The following CACNA1G variants were observed in gnomAD, a reference collection of about 807,000 sequenced individuals.
CACNA1G encodes voltage-dependent T-type calcium channel subunit alpha-1G.
A neutral mutation model predicts 219.4 loss-of-function variants in CACNA1G; 67 were observed. That is an observed-to-expected ratio of 0.31 (90% CI 0.25 to 0.37). The LOEUF (loss-of-function observed/expected upper bound fraction) is 0.37, where lower values mean the gene tolerates loss of function less well. CACNA1G is among the 10% of genes least tolerant of loss of function. CACNA1G has a pLI of 1.00. For missense variants in CACNA1G, 2,380 were observed against 3,231.4 expected (o/e 0.74, Z 6.39); for synonymous variants, 1,296 against 1,345.3 (o/e 0.96, Z 0.80).
chr17:50,561,477 T>A lies in CACNA1G; in HGVS notation c.18T>A (p.Asp6Glu). Residue 6 changes from aspartate to glutamate, a missense_variant, in exon 1 of 38, where the codon GAT becomes GAA. This residue lies in a region of CACNA1G where 98 missense variants were observed against 85.5 expected (regional missense o/e 1.15). Coordinates refer to ENST00000359106, the MANE Select transcript of CACNA1G (RefSeq NM_018896.5). Reference protein sequence around the residue: MDEEEDGAGAEESGQP... With the variant: MDEEEEGAGAEESGQP... ...GCCAGAGGATGGACGAGGAGGAGGA[T>A]GGAGCGGGCGCCGAGGAGTCGGGAC... The A allele has an allele frequency of 1.3e-6, 2 of 1,534,456 alleles. No homozygotes were observed. Among genetic ancestry groups the A allele is most frequent in the East Asian group, 2.5e-5 (1 of 40,810 alleles).
intron 36 of CACNA1G, 31 bp from the exon 37 acceptor site, chr17:50,624,329 C>A: frequency 1.7e-6 from 2 of 1,180,278 alleles, no homozygotes; most frequent in Non-Finnish European, 2.5e-6. Context: ...TTCTCTCCCC[C>A]CACCCCTCCC....
intron 4 of CACNA1G, among the ~76,000 whole-genome samples, chr17:50,570,495 A>G (rs2039146177): frequency 6.6e-6 from 1 of 150,416 alleles, no homozygotes; most frequent in South Asian, 2.1e-4. Flanking sequence ...TTGGCGAGGA[A>G]TGCATGTTTC....
At position 50,621,622 on chromosome 17, in the gene CACNA1G, C is replaced by T; in HGVS notation, c.5926-38C>T. ...CGTGTGCACGCGCGTGTGCGCTGTC[C>T]TGGTTTCTCATGCCTGATCATCTCT... is the stretch of plus-strand genomic sequence containing the variant. On this transcript the variant is annotated intron_variant, in intron 34 of 37. Transcript: ENST00000359106. The surrounding 1 kb of genome is among the most constrained non-coding windows in gnomAD (Gnocchi z 4.6). 6.2e-7 allele frequency: 1 copy of T among 1,608,980 alleles called. No homozygotes were observed. The highest frequency in any genetic ancestry group is 8.5e-7 in the Non-Finnish European group (1 of 1,176,372).
Position 50,561,318 on chromosome 17 carries a change from TG to T in CACNA1G, c.-140del. 1 of 1,019,502 alleles carries T rather than the reference TG, an allele frequency of 9.8e-7. No homozygotes were observed. The highest frequency in any genetic ancestry group is 1.4e-6 in the Non-Finnish European group (1 of 709,288). 63.2% of individuals were successfully genotyped at this position (1,019,502 alleles called of 1,614,324 possible). On this transcript the variant is annotated 5_prime_UTR_variant, in exon 1 of 38. It removes the in-frame stop codon of an upstream open reading frame in the 5' UTR. Coordinates refer to ENST00000359106, the MANE Select transcript of CACNA1G (RefSeq NM_018896.5). ...GCGGGCAGGGGGAGCTGGGCTGAAC[TG>T]GCCCTCCCGGGGGCTCAGCTTGCGC...
At chr17:50,624,956 T>TTC (rs386386241) in intron 37 of CACNA1G, among the ~76,000 whole-genome samples, 8 of 11,076 alleles carry the variant, frequency 7.2e-4, no homozygotes, top group South Asian at 7.5e-3. Context: ...GCCCAGATTC[T>TTC]TTTTTTTTTT....
chr17:50,605,496 C>A (rs1038585684), intron 22 of CACNA1G, among the ~76,000 whole-genome samples: 2 of 152,188 alleles, frequency 1.3e-5, no homozygotes, highest in East Asian at 1.9e-4. Flanking sequence ...ATCACCAGAA[C>A]GGCTTGTTAA....
chr17:50,592,813 C>G (rs565535284), intron 13 of CACNA1G, among the ~76,000 whole-genome samples: 1 of 152,328 alleles, frequency 6.6e-6, no homozygotes, highest in East Asian at 1.9e-4. Context: ...TTTGACCCAA[C>G]CTAGAAACGC....
chr17:50,604,951 C>A (rs75574573), intron 22 of CACNA1G, among the ~76,000 whole-genome samples: 2 of 152,186 alleles, frequency 1.3e-5, no homozygotes, highest in Non-Finnish European at 2.9e-5. Flanking sequence ...CTCCCCTCCC[C>A]GCCCCTCGTT....
At position 50,596,719 on chromosome 17, in the gene CACNA1G, T is replaced by A. The variant is rs2045625704; in HGVS notation, c.3065-11T>A. 1.2e-6 allele frequency: 2 copies of A among 1,612,794 alleles called. No individual in the cohort carries two copies. The highest frequency in any genetic ancestry group is 1.7e-6 in the Non-Finnish European group (2 of 1,179,528). On this transcript the variant is annotated splice_polypyrimidine_tract_variant and intron_variant, in intron 15 of 37. Coordinates refer to ENST00000359106, the MANE Select transcript of CACNA1G (RefSeq NM_018896.5). This position sits in a 1 kb window ranked among gnomAD's most constrained non-coding sequence, Gnocchi z 4.8. ...TGTGGACTCGGGATCTCTCCCTCTC[T>A]CCCCGTGCAGTGGTGTCCCTGGGAG...
At chr17:50,587,224 C>G (rs2043165193) in intron 9 of CACNA1G, among the ~76,000 whole-genome samples, 1 of 152,118 alleles carries the variant, frequency 6.6e-6, no homozygotes, top group Admixed American at 6.5e-5. Flanking sequence ...GGACCTGGCT[C>G]TGCACCTCTC....
intron 13 of CACNA1G, among the ~76,000 whole-genome samples, chr17:50,593,624 G>A (rs2044843175): frequency 1.3e-5 from 2 of 152,266 alleles, no homozygotes; most frequent in Admixed American, 6.5e-5. Context: ...CCCTGCTGGG[G>A]GCCTGGGACT....
At chr17:50,595,103 T>G (rs1194171519) in intron 14 of CACNA1G, 42 bp downstream of exon 14, 1 of 1,467,158 alleles carries the variant, frequency 6.8e-7, no homozygotes, top group Non-Finnish European at 9.3e-7. Context: ...CCGTGCCCCA[T>G]GCCCGTGCCC....
intron 16 of CACNA1G, among the ~76,000 whole-genome samples, chr17:50,598,724 T>C (rs1271791665): frequency 6.6e-6 from 1 of 152,178 alleles, no homozygotes; most frequent in African/African-American, 2.4e-5. Flanking sequence ...TTTCTTCATG[T>C]ACCTGTTGGC....
In CACNA1G at chr17:50,596,426, G is replaced by A. The variant is rs903044351; in HGVS notation, c.2980-136G>A. 1.7e-5 allele frequency: 12 copies of A among 719,600 alleles called. No homozygotes were observed. Among genetic ancestry groups the A allele is most frequent in the Non-Finnish European group, 2.2e-5 (9 of 411,612 alleles). The allele number at this position is 719,600 out of a possible 1,614,324, so 44.6% of individuals were successfully genotyped here. A position where few individuals can be genotyped will look rare whatever the true frequency, so the allele number is the denominator to read the frequency against. ...AAGCCTGGGGGGTCTGGCCTGCGCC[G>A]TGCATGTCTCGTGCCGTGGTTGCTG... On this transcript the variant is annotated intron_variant, in intron 14 of 37. Transcript: ENST00000359106. The surrounding 1 kb of genome is among the most constrained non-coding windows in gnomAD (Gnocchi z 4.8).
At position 50,561,387 on chromosome 17, in the gene CACNA1G, G is replaced by A; in HGVS notation, c.-73G>A. On this transcript the variant is annotated 5_prime_UTR_variant, in exon 1 of 38. Transcript: ENST00000359106. ...GTGCCCCCGCCGGGGCCCCCGGGTT[G>A]CGTGAGGACACCTCCTCTGAGGGGC... 6.5e-7 allele frequency: 1 copy of A among 1,528,146 alleles called. No individual in the cohort carries two copies. The highest frequency in any genetic ancestry group is 8.8e-7 in the Non-Finnish European group (1 of 1,142,784). The allele number at this position is 1,528,146 out of a possible 1,614,324, so 94.7% of individuals were successfully genotyped here.
intron 19 of CACNA1G, 67 bp downstream of exon 19, chr17:50,601,241 G>A: frequency 6.3e-7 from 1 of 1,580,824 alleles, no homozygotes; most frequent in Non-Finnish European, 8.6e-7. Flanking sequence ...AGTGAGGGAG[G>A]CAAGGAGGCC....
intron 19 of CACNA1G, among the ~76,000 whole-genome samples, 196 bp from the exon 20 acceptor site, chr17:50,602,624 A>G (rs1490245468): frequency 6.6e-6 from 1 of 151,962 alleles, no homozygotes; most frequent in Admixed American, 6.6e-5. Context: ...CTGTCCACAG[A>G]GCTGCAGGGG....
chr17:50,621,529 GCCTTTTT>G lies in CACNA1G; in HGVS notation c.5926-128_5926-122del. ...GAAAGGGTGGGGAGAGAGAAGGGATGCCTTTTTCCCGCCCCCCTGTGCTTCGTGAAAA... is the reference window on the plus strand; with the variant it reads ...GAAAGGGTGGGGAGAGAGAAGGGATGCCCGCCCCCCTGTGCTTCGTGAAAA... On this transcript the variant is annotated intron_variant, in intron 34 of 37. Coordinates refer to ENST00000359106, the MANE Select transcript of CACNA1G (RefSeq NM_018896.5). The surrounding 1 kb of genome is among the most constrained non-coding windows in gnomAD (Gnocchi z 4.6). The G allele has an allele frequency of 1.1e-6, 1 of 946,168 alleles. No homozygotes were observed. The highest frequency in any genetic ancestry group is 1.6e-6 in the Non-Finnish European group (1 of 630,314). 58.6% of individuals were successfully genotyped at this position (946,168 alleles called of 1,614,324 possible).
intron 22 of CACNA1G, among the ~76,000 whole-genome samples, chr17:50,604,826 G>T (rs2047597383): frequency 6.6e-6 from 1 of 152,220 alleles, no homozygotes; most frequent in South Asian, 2.1e-4. Context: ...GACGCCTCAG[G>T]GGGCCGGGGA....
Sources: gnomAD v4.1 joint callset for allele counts (sites outside exome capture counted in the v4.1 genomes callset) on GRCh38, gnomAD v4.1.1 for gene constraint, gnomAD v4.1.1 regional missense constraint, Gnocchi (gnomAD v3.1) non-coding constraint, MANE v1.5 for transcripts, NCBI Gene and HGNC (gene_info 2026-07-23, HGNC 2026-07-21) for gene names.